Variants in CCDC180 observed in about 807,000 individuals in gnomAD.
CCDC180 encodes the protein coiled-coil domain-containing protein 180.
In CCDC180, 154 loss-of-function variants were observed where a neutral mutation model predicts 209.2. That is an observed-to-expected ratio of 0.74 (90% CI 0.65 to 0.84). The LOEUF (loss-of-function observed/expected upper bound fraction) is 0.84. Ranked by LOEUF, CCDC180 falls within the 40% of genes least tolerant of loss-of-function variation. The probability of loss-of-function intolerance (pLI) is 0.00; values close to 1 mark genes in which losing one functional copy is unlikely to be tolerated. For synonymous variants in CCDC180, 778 were observed against 749.1 expected, an observed-to-expected ratio of 1.04 and a Z score of -0.63; for missense variants, 1,874 against 1,997.3, an observed-to-expected ratio of 0.94 and a Z score of 1.18.
At chr9:97,344,385 A>T (rs1826185882) in intron 19 of CCDC180, among the ~76,000 whole-genome samples, 1 of 152,186 alleles carries the variant, frequency 6.6e-6, no homozygotes, top group Admixed American at 6.5e-5. Context: ...CTCACCTTGG[A>T]AATGTCTCTT....
chr9:97,357,243 C>G (rs1202216123), intron 24 of CCDC180, among the ~76,000 whole-genome samples: 2 of 151,288 alleles, frequency 1.3e-5, no homozygotes, highest in Non-Finnish European at 2.9e-5. Flanking sequence ...ACTGCTGGAG[C>G]AGAGCCTGTG....
rs1057361958 is a variant in CCDC180 at position 97,368,467 on chromosome 9, C to T, written c.4190-1455C>T. Among the ~76,000 whole-genome samples the T allele has an allele frequency of 5.3e-5, 8 of 152,090 alleles. 1 individual carries two copies. The highest frequency in any genetic ancestry group is 9.7e-5 in the African/African-American group (4 of 41,406). ...GGCTTCCTGAGTAAGGCAAATGAGA[C>T]GGAAACCAAGCTCCTCCCTCTGTCC... On this transcript the variant is annotated intron_variant, in intron 31 of 36. Coordinates refer to ENST00000529487, the MANE Select transcript of CCDC180 (RefSeq NM_020893.6).
chr9:97,345,482 A>G, intron 19 of CCDC180: 3 of 360,184 alleles, frequency 8.3e-6, no homozygotes, highest in South Asian at 6.6e-5. Flanking sequence ...CTTTAAAAAT[A>G]CTCATTGGGC....
At position 97,315,064 on chromosome 9, in the gene CCDC180, G is replaced by A. The variant is rs1329106162; in HGVS notation, c.795+118G>A. 23 of 707,082 alleles carry A rather than the reference G, an allele frequency of 3.3e-5. No homozygotes were observed. In the East Asian group the frequency reaches 3.3e-4, roughly 10 times the overall value. 43.8% of individuals were successfully genotyped at this position (707,082 alleles called of 1,614,324 possible). On this transcript the variant is annotated intron_variant, in intron 8 of 36. Transcript: ENST00000529487. The stretch of plus-strand genomic sequence containing the variant: ...GAATGGTGGGCTTCTCATCTATAAC[G>A]TTTCTAAGGGGCTCAGGTGGGCCTC...
rs145469075 is a variant in CCDC180 at position 97,370,026 on chromosome 9, G to A, written c.4294G>A (p.Val1432Met). 1.1e-4 allele frequency: 181 copies of A among 1,614,064 alleles called. No homozygotes were observed. The highest frequency in any genetic ancestry group is 1.5e-4 in the Non-Finnish European group (172 of 1,180,034). Residue 1432 changes from valine (V) to methionine (M), a missense_variant, in exon 32 of 37, where the codon GTG (valine) becomes ATG (methionine). Transcript: ENST00000529487. ...EHHWKKFFTSVKEIRGQFEEQ... is the reference protein window; with the variant it reads ...EHHWKKFFTSMKEIRGQFEEQ... ...CCACTGGAAAAAGTTTTTCACCTCT[G>A]TGAAGGAGATCCGAGGACAGTTCGA...
At chr9:97,352,850 C>G (rs1291744359) in intron 22 of CCDC180, among the ~76,000 whole-genome samples, 2 of 151,846 alleles carry the variant, frequency 1.3e-5, no homozygotes, top group Non-Finnish European at 2.9e-5. Context: ...CACTGATTCA[C>G]TCTGTAACTG....
In CCDC180 at chr9:97,328,731, C is replaced by G. The variant is rs77490276; in HGVS notation, c.1788+585C>G. ...AGAGAAAGGCTCCCACTCATTCAGC[C>G]TGACCCCTCATCTCACCTTGCTCAG... On this transcript the variant is annotated intron_variant, in intron 16 of 36. Transcript: ENST00000529487. Among the ~76,000 whole-genome samples the G allele has an allele frequency of 9.3e-3, 1,415 of 152,326 alleles. 39 individuals are homozygous for G. The East Asian group carries it at 0.095, about 10-fold the overall frequency.
intron 20 of CCDC180, 126 bp downstream of exon 20, chr9:97,347,615 CACCATGGAAGATGT>C (rs1826300965): frequency 3.3e-6 from 3 of 911,838 alleles, no homozygotes; most frequent in Non-Finnish European, 4.8e-6. Flanking sequence ...GTTCTCATCA[CACCATGGAAGATGT>C]ACATGAGGGT....
chr9:97,366,674 A>AT lies in CCDC180; in HGVS notation c.4164dup (p.Lys1389Ter), dbSNP rs1240001555. ...ATCCTGGAGTATCAGAGCCAGGCAA[A>AT]TAAGTACCACAACTCCTGCCTCATA... On this transcript the variant is annotated frameshift_variant, in exon 31 of 37. Transcript: ENST00000529487. LOFTEE classifies it high-confidence loss of function. This position sits in a 1 kb window ranked among gnomAD's most constrained non-coding sequence, Gnocchi z 4.3. 3 of 1,614,164 alleles carry AT rather than the reference A, an allele frequency of 1.9e-6. No individual in the cohort carries two copies. The Admixed American group carries it at 5.0e-5, about 27-fold the overall frequency.
chr9:97,371,889 C>T (rs573445276), intron 34 of CCDC180, 183 bp downstream of exon 34: 83 of 440,806 alleles, frequency 1.9e-4, no homozygotes, highest in East Asian at 1.2e-3. Flanking sequence ...GATGGCTCAA[C>T]GTTTATATAT....
intron 31 of CCDC180, among the ~76,000 whole-genome samples, chr9:97,369,064 A>C (rs1165069496): frequency 6.6e-6 from 1 of 152,270 alleles, no homozygotes; most frequent in East Asian, 1.9e-4. Context: ...TTCATGAAGG[A>C]AAAATTAAGA....
rs1485863461 is a variant in CCDC180, at chr9:97,325,038, C to T, written c.1391C>T (p.Ala464Val). The change falls in exon 14 of 37, where the codon GCA (alanine) becomes GTA (valine). Residue 464 changes from alanine (A) to valine (V), a missense_variant. Coordinates refer to ENST00000529487, the MANE Select transcript of CCDC180 (RefSeq NM_020893.6). Reference protein sequence around the residue: ...ELLDKSFETLADQTEWQSSHL... With the variant: ...ELLDKSFETLVDQTEWQSSHL... ...CTGCAGAAATCCTTCGAGACTCTGGCAGATCAGACAGAGTGGCAGAGTTCA... is the reference window on the plus strand; with the variant it reads ...CTGCAGAAATCCTTCGAGACTCTGGTAGATCAGACAGAGTGGCAGAGTTCA... 6.2e-7 allele frequency: 1 copy of T among 1,613,822 alleles called. No homozygotes were observed. The highest frequency in any genetic ancestry group is 1.1e-5 in the South Asian group (1 of 91,004).
intron 8 of CCDC180, among the ~76,000 whole-genome samples, chr9:97,316,494 G>A (rs898829875): frequency 1.3e-5 from 2 of 152,156 alleles, no homozygotes; most frequent in African/African-American, 4.8e-5. Flanking sequence ...GGGAGGATGG[G>A]GGAAGTTACT....
At position 97,361,711 on chromosome 9, in the gene CCDC180, C is replaced by T. The variant is rs1275622183; in HGVS notation, c.3484-15C>T. The T allele has an allele frequency of 3.1e-6, 5 of 1,612,974 alleles. No individual in the cohort carries two copies. The highest frequency in any genetic ancestry group is 4.2e-6 in the Non-Finnish European group (5 of 1,179,642). ...CTGGTCCTTACACCCTCAGGCCCTT[C>T]TCTCTGGCCTGCAGAACACCATCCT... On this transcript the variant is annotated splice_polypyrimidine_tract_variant and intron_variant, in intron 26 of 36. Transcript: ENST00000529487.
At chr9:97,374,504 C>T (rs370737214) in intron 34 of CCDC180, 39 bp from the exon 35 acceptor site, 176 of 1,487,842 alleles carry the variant, frequency 1.2e-4, no homozygotes, top group Non-Finnish European at 1.6e-4. Flanking sequence ...CTCAGGCTGT[C>T]GGTGAGGCTG....
At chr9:97,350,374 C>G (rs1826389573) in intron 21 of CCDC180, 35 bp from the exon 22 acceptor site, 2 of 1,532,220 alleles carry the variant, frequency 1.3e-6, no homozygotes, top group Non-Finnish European at 1.7e-6. Context: ...GGGTTGTCCC[C>G]CATCACTGTC....
Position 97,371,604 on chromosome 9 carries a change from A to G in CCDC180, c.4498A>G (p.Arg1500Gly). 3 of 1,602,732 alleles carry G rather than the reference A, an allele frequency of 1.9e-6. No homozygotes were observed. Among genetic ancestry groups the G allele is most frequent in the Non-Finnish European group, 2.6e-6 (3 of 1,170,774 alleles). ...ACCATGTTTTTTCCAGGAATGTACC[A>G]GAAGGAATGGCCAGGTTTTCATAAC... ...MNKEKLEECT[R>G]RNGQVFITNL... The change falls in exon 34 of 37, where the codon AGA becomes GGA. Residue 1500 changes from arginine to glycine, a missense_variant. Physicochemically the swap from Arg to Gly is moderately radical, Grantham distance 125 (BLOSUM62 -2). Coordinates refer to ENST00000529487, the MANE Select transcript of CCDC180 (RefSeq NM_020893.6).
At position 97,309,662 on chromosome 9, in the gene CCDC180, A is replaced by T. The variant is rs915107315; in HGVS notation, c.260+58A>T. On this transcript the variant is annotated intron_variant, in intron 3 of 36. Transcript: ENST00000529487. ...CACTAGGGTACCTGAGCCTTCAAAA[A>T]CTCAAAAAGAGCCAGCACAAGATGA... 40 of 1,389,782 alleles carry T rather than the reference A, an allele frequency of 2.9e-5. No individual in the cohort carries two copies. The African/African-American group carries it at 5.3e-4, about 18-fold the overall frequency. The allele number at this position is 1,389,782 out of a possible 1,614,324, so 86.1% of individuals were successfully genotyped here. A position where few individuals can be genotyped will look rare whatever the true frequency, so the allele number is the denominator to read the frequency against.
At chr9:97,328,281 A>G (rs1023981626) in intron 16 of CCDC180, 135 bp downstream of exon 16, 3 of 997,330 alleles carry the variant, frequency 3.0e-6, no homozygotes, top group African/African-American at 1.6e-5. Flanking sequence ...AGAAGAAAGA[A>G]GCTGAAAGTG....
Sources: gnomAD v4.1 joint callset for allele counts (sites outside exome capture counted in the v4.1 genomes callset) on GRCh38, gnomAD v4.1.1 for gene constraint, Gnocchi (gnomAD v3.1) non-coding constraint, MANE v1.5 for transcripts, NCBI Gene and HGNC (gene_info 2026-07-23, HGNC 2026-07-21) for gene names.